The following FHIT variants were observed in gnomAD, a reference collection of about 807,000 sequenced individuals.
The protein encoded by FHIT is bis(5'-adenosyl)-triphosphatase.
Under a neutral mutation model 17.9 loss-of-function variants are expected in FHIT, and 19 were observed. The observed-to-expected ratio is 1.06, with a 90% CI of 0.74 to 1.56. FHIT has a LOEUF of 1.56. Ranked by LOEUF, FHIT falls within the 40% of genes most tolerant of loss-of-function variation. FHIT has a pLI of 0.00. For missense variants in FHIT, 248 were observed against 189.2 expected, an observed-to-expected ratio of 1.31 and a Z score of -1.82; for synonymous variants, 81 against 69.7, an observed-to-expected ratio of 1.16 and a Z score of -0.81.
At position 59,849,554 on chromosome 3, in the gene FHIT, A is replaced by G. The variant is rs190673712; in HGVS notation, c.348+72792T>C. Among the ~76,000 whole-genome samples the G allele has an allele frequency of 5.3e-5, 8 of 152,282 alleles. No individual in the cohort carries two copies. The East Asian group carries it at 1.5e-3, about 29-fold the overall frequency. ...AACCCACAAATATATACAGCCTCCA[A>G]CCCACAAATATAAACAGACACAGAT... On this transcript the variant is annotated intron_variant, in intron 8 of 9. Coordinates refer to ENST00000492590, the MANE Select transcript of FHIT (RefSeq NM_002012.4).
intron 5 of FHIT, among the ~76,000 whole-genome samples, chr3:60,247,223 G>GC (rs34507740): frequency 0.47 from 71,397 of 151,756 alleles, 17,591 homozygotes; most frequent in African/African-American, 0.61. Flanking sequence ...ACCAAGTAAG[G>GC]CTATTAAGAA....
intron 8 of FHIT, among the ~76,000 whole-genome samples, chr3:59,789,189 A>T (rs576454443): frequency 6.6e-6 from 1 of 152,180 alleles, no homozygotes; most frequent in Non-Finnish European, 1.5e-5. Context: ...CAACTTTTTA[A>T]AGCCCAGATA....
chr3:60,121,709 AACACACACACACAC>A (rs57250663), intron 5 of FHIT, among the ~76,000 whole-genome samples: 5 of 116,404 alleles, frequency 4.3e-5, no homozygotes, highest in Admixed American at 1.7e-4. Context: ...AAACAAAACA[AACACACACACACAC>A]ACACACACAC....
At chr3:60,232,670 C>A (rs956015874) in intron 5 of FHIT, among the ~76,000 whole-genome samples, 1 of 152,150 alleles carries the variant, frequency 6.6e-6, no homozygotes, top group Non-Finnish European at 1.5e-5. Flanking sequence ...CCAGGCATAT[C>A]CCAAAGCTAA....
chr3:60,473,321 A>G (rs1323701800), intron 5 of FHIT, among the ~76,000 whole-genome samples: 3 of 152,188 alleles, frequency 2.0e-5, no homozygotes, highest in African/African-American at 7.2e-5. Flanking sequence ...AAGATTAACT[A>G]AAGGGCTGAG....
chr3:59,854,690 C>G (rs955578451), intron 8 of FHIT, among the ~76,000 whole-genome samples: 6 of 152,136 alleles, frequency 3.9e-5, no homozygotes, highest in African/African-American at 1.4e-4. Context: ...TTTTCACAGG[C>G]ACAAAGCTGG....
chr3:60,311,587 C>T (rs142775205), intron 5 of FHIT, among the ~76,000 whole-genome samples: 14 of 152,296 alleles, frequency 9.2e-5, no homozygotes, highest in Middle Eastern at 3.4e-3. Flanking sequence ...TAACAAAGTA[C>T]GCACATTTAT....
intron 2 of FHIT, among the ~76,000 whole-genome samples, chr3:61,112,990 C>T (rs147258400): frequency 3.3e-5 from 5 of 151,890 alleles, no homozygotes; most frequent in Non-Finnish European, 7.4e-5. Flanking sequence ...TCTTTGAACA[C>T]TGTGTGTGTT....
intron 5 of FHIT, among the ~76,000 whole-genome samples, chr3:60,128,308 G>A (rs1263054980): frequency 6.6e-6 from 1 of 152,126 alleles, no homozygotes. Flanking sequence ...TCTTGTGATA[G>A]TAAGTTCTCA....
chr3:59,995,490 G>A (rs1341810088), intron 7 of FHIT, among the ~76,000 whole-genome samples: 2 of 152,044 alleles, frequency 1.3e-5, no homozygotes, highest in African/African-American at 4.8e-5. Context: ...GTCTTCAGAG[G>A]TTAAGAAAAA....
intron 4 of FHIT, among the ~76,000 whole-genome samples, chr3:60,684,896 G>C (rs1553697971): frequency 6.6e-6 from 1 of 152,104 alleles, no homozygotes; most frequent in African/African-American, 2.4e-5. Flanking sequence ...TGACTATTTT[G>C]AGCTTAAAGA....
At chr3:61,076,652 T>A (rs576260048) in intron 2 of FHIT, among the ~76,000 whole-genome samples, 1 of 152,274 alleles carries the variant, frequency 6.6e-6, no homozygotes, top group East Asian at 1.9e-4. Flanking sequence ...AATAAACATC[T>A]TGTGTATATT....
At chr3:60,828,794 G>A (rs572462887) in intron 3 of FHIT, among the ~76,000 whole-genome samples, 1 of 152,094 alleles carries the variant, frequency 6.6e-6, no homozygotes, top group African/African-American at 2.4e-5. Flanking sequence ...AGGAGATTCA[G>A]TTCAACCCGG....
chr3:60,743,118 G>A (rs1008618865), intron 4 of FHIT, among the ~76,000 whole-genome samples: 1 of 151,988 alleles, frequency 6.6e-6, no homozygotes. Context: ...TTCGGACACA[G>A]TGCTGCTTGA....
intron 4 of FHIT, among the ~76,000 whole-genome samples, chr3:60,695,922 T>C (rs1207977336): frequency 6.6e-6 from 1 of 152,196 alleles, no homozygotes. Context: ...TGACAAACTA[T>C]TCAGCTGTAC....
intron 2 of FHIT, among the ~76,000 whole-genome samples, chr3:61,082,096 T>A (rs1232995113): frequency 1.0e-4 from 15 of 149,160 alleles, no homozygotes; most frequent in African/African-American, 1.5e-4. Context: ...AAAAAAAAAG[T>A]GCTTATTGAA....
At chr3:61,049,175 A>T (rs770938816) in intron 2 of FHIT, among the ~76,000 whole-genome samples, 3 of 151,570 alleles carry the variant, frequency 2.0e-5, no homozygotes, top group African/African-American at 7.3e-5. Flanking sequence ...ATAATGACAC[A>T]TGCATGAAAA....
At chr3:59,990,178 T>C (rs904860007) in intron 7 of FHIT, among the ~76,000 whole-genome samples, 1 of 152,064 alleles carries the variant, frequency 6.6e-6, no homozygotes, top group African/African-American at 2.4e-5. Context: ...GAAAAGTATC[T>C]GTAATGAGCG....
chr3:60,814,557 A>G (rs1381858640), intron 4 of FHIT, among the ~76,000 whole-genome samples: 1 of 152,172 alleles, frequency 6.6e-6, no homozygotes, highest in Non-Finnish European at 1.5e-5. Flanking sequence ...TTATTACTGC[A>G]TAATATCCCA....
Sources: gnomAD v4.1 joint callset for allele counts (sites outside exome capture counted in the v4.1 genomes callset) on GRCh38, gnomAD v4.1.1 for gene constraint, MANE v1.5 for transcripts, NCBI Gene and HGNC (gene_info 2026-07-23, HGNC 2026-07-21) for gene names.